Variants in ZDHHC18 observed in about 807,000 individuals in gnomAD.
ZDHHC18 encodes palmitoyltransferase ZDHHC18.
In ZDHHC18, 23 loss-of-function variants were observed where a neutral mutation model predicts 37.5. The ratio of observed to expected loss-of-function variants is 0.61; its 90% CI spans 0.44 to 0.87. The LOEUF (loss-of-function observed/expected upper bound fraction) is 0.87, where lower values mean the gene tolerates loss of function less well. ZDHHC18 is among the 40% of genes least tolerant of loss of function. The pLI, the probability that ZDHHC18 is intolerant of heterozygous loss-of-function variation, is 0.00. For synonymous variants in ZDHHC18, 185 were observed against 218.7 expected (o/e 0.85, Z 1.36); for missense variants, 406 against 525.6 (o/e 0.77, Z 2.22).
rs1442299061 is a variant in ZDHHC18, at chr1:26,848,527, C to G, written c.497-81C>G. On this transcript the variant is annotated intron_variant, in intron 2 of 7. Coordinates refer to ENST00000374142, the MANE Select transcript of ZDHHC18 (RefSeq NM_032283.3). ...TGAGGCTTCTCCTGGACTGGCCAGG[C>G]AGCAGTAGCTTTCCCCTGCTGGGGA... The G allele has an allele frequency of 3.9e-6, 6 of 1,550,376 alleles. No homozygotes were observed. In the East Asian group the frequency reaches 1.4e-4, roughly 35 times the overall value.
At chr1:26,845,638 C>CT (rs905167188) in intron 2 of ZDHHC18, among the ~76,000 whole-genome samples, 5 of 151,578 alleles carry the variant, frequency 3.3e-5, no homozygotes, top group African/African-American at 1.2e-4. Flanking sequence ...CGGCCTCATT[C>CT]TTTTTTTTAA....
At chr1:26,848,798 G>A in intron 3 of ZDHHC18, 41 bp downstream of exon 3, 3 of 1,593,944 alleles carry the variant, frequency 1.9e-6, no homozygotes, top group Non-Finnish European at 2.6e-6. Flanking sequence ...GGATTCCTGA[G>A]AGAGACTGAG....
At chr1:26,831,829 C>A (rs2081589884) in intron 1 of ZDHHC18, among the ~76,000 whole-genome samples, 1 of 152,174 alleles carries the variant, frequency 6.6e-6, no homozygotes, top group South Asian at 2.1e-4. Flanking sequence ...ACTCATTCTT[C>A]AGGTTGGAGC....
At chr1:26,828,535 T>TC (rs1292194893) in intron 1 of ZDHHC18, among the ~76,000 whole-genome samples, 1 of 152,054 alleles carries the variant, frequency 6.6e-6, no homozygotes, top group African/African-American at 2.4e-5. Flanking sequence ...AAAAAACACT[T>TC]CCCAAGGGCA....
chr1:26,826,971 G>C lies in ZDHHC18; in HGVS notation c.167G>C (p.Gly56Ala). Reference sequence around the variant, plus strand: ...TGGAGCAGCAGCGGCAGCGGCAGCGGCAGCGGGAGCGGGAGCCTCGGCCGC... The same window carrying C: ...TGGAGCAGCAGCGGCAGCGGCAGCGCCAGCGGGAGCGGGAGCCTCGGCCGC... ...PRWSSSGSGS[G>A]SGSGSLGRRP... The change falls in exon 1 of 8, where the codon GGC becomes GCC. Residue 56 changes from glycine (G) to alanine (A), a missense_variant. Physicochemically the swap from Gly to Ala is moderately conservative, Grantham distance 60. Coordinates refer to ENST00000374142, the MANE Select transcript of ZDHHC18 (RefSeq NM_032283.3). The surrounding 1 kb of genome is among the most constrained non-coding windows in gnomAD (Gnocchi z 5.2). 8.2e-7 allele frequency: 1 copy of C among 1,219,640 alleles called. No homozygotes were observed. The highest frequency in any genetic ancestry group is 4.1e-5 in the South Asian group (1 of 24,310). 75.6% of individuals were successfully genotyped at this position (1,219,640 alleles called of 1,614,324 possible).
At chr1:26,833,177 TGAGGAG>T (rs1163993613) in intron 2 of ZDHHC18, among the ~76,000 whole-genome samples, 1 of 152,130 alleles carries the variant, frequency 6.6e-6, no homozygotes, top group Non-Finnish European at 1.5e-5. Context: ...GCTTGACAGT[TGAGGAG>T]GAGGAAAGAG....
Position 26,856,021 on chromosome 1 carries a change from C to T in ZDHHC18, c.*2178C>T. ...ACCCCCAAATTCTTCTTCCCTACTG[C>T]CTTTCCACTCCGATCCCCAATGAGT... On this transcript the variant is annotated 3_prime_UTR_variant, in exon 8 of 8. Transcript: ENST00000374142. The surrounding 1 kb of genome is among the most constrained non-coding windows in gnomAD (Gnocchi z 5.2). 8.9e-6 allele frequency: 3 copies of T among 336,480 alleles called. No homozygotes were observed. The Admixed American group carries it at 9.5e-5, about 11-fold the overall frequency. 20.8% of individuals were successfully genotyped at this position (336,480 alleles called of 1,614,324 possible). A position where few individuals can be genotyped will look rare whatever the true frequency, so the allele number is the denominator to read the frequency against.
chr1:26,833,030 G>A (rs984786062), intron 2 of ZDHHC18, among the ~76,000 whole-genome samples: 1 of 152,176 alleles, frequency 6.6e-6, no homozygotes, highest in Non-Finnish European at 1.5e-5. Context: ...TCAGTCTAGA[G>A]CACCTGCTCT....
intron 2 of ZDHHC18, among the ~76,000 whole-genome samples, chr1:26,846,130 G>GTA (rs1275426325): frequency 1.4e-5 from 2 of 146,566 alleles, no homozygotes; most frequent in Admixed American, 6.9e-5. Context: ...ATATGTGTGT[G>GTA]TATATATATG....
intron 2 of ZDHHC18, among the ~76,000 whole-genome samples, chr1:26,838,309 T>C (rs1452318457): frequency 6.6e-6 from 1 of 152,016 alleles, no homozygotes; most frequent in African/African-American, 2.4e-5. Context: ...GCTTTCTTTT[T>C]AAATTATTTT....
chr1:26,850,515 A>ACTGT lies in ZDHHC18; in HGVS notation c.785-41_785-38dup, dbSNP rs756513831. On this transcript the variant is annotated intron_variant, in intron 4 of 7. Transcript: ENST00000374142. The surrounding 1 kb of genome is among the most constrained non-coding windows in gnomAD (Gnocchi z 6.1). Reference sequence around the variant, plus strand: ...CAAGGGTCAGCAAGCTTCAGCAGTCACTGTCCCTCTGAGCTTGTCCTCTCC... The same window carrying ACTGT: ...CAAGGGTCAGCAAGCTTCAGCAGTCACTGTCTGTCCCTCTGAGCTTGTCCTCTCC... The ACTGT allele has an allele frequency of 2.6e-5, 42 of 1,614,068 alleles. No homozygotes were observed. The East Asian group carries it at 9.4e-4, about 36-fold the overall frequency.
chr1:26,832,689 C>A, intron 2 of ZDHHC18, 82 bp downstream of exon 2: 1 of 1,526,094 alleles, frequency 6.6e-7, no homozygotes, highest in Admixed American at 1.9e-5. Context: ...TTTTCTCTTC[C>A]AAAACTATAC....
chr1:26,829,178 C>G lies in ZDHHC18; in HGVS notation c.335+2039C>G, dbSNP rs183669397. On this transcript the variant is annotated intron_variant, in intron 1 of 7. Coordinates refer to ENST00000374142, the MANE Select transcript of ZDHHC18 (RefSeq NM_032283.3). ...CACCTGGGTCTGGACTGGATGCTCCCCATTGCTCTGGGAAAAGGTAAGGTG... is the reference window on the plus strand; with the variant it reads ...CACCTGGGTCTGGACTGGATGCTCCGCATTGCTCTGGGAAAAGGTAAGGTG... 6.2e-3 allele frequency among the ~76,000 whole-genome samples: 949 copies of G among 152,228 alleles called. 10 individuals carry two copies. Among genetic ancestry groups the G allele is most frequent in the South Asian group, 0.024 (115 of 4,828 alleles).
chr1:26,851,149 GCTT>G lies in ZDHHC18; in HGVS notation c.860_862del (p.Phe287del), dbSNP rs1557645919. The G allele has an allele frequency of 1.2e-6, 2 of 1,614,178 alleles. No individual in the cohort carries two copies. The highest frequency in any genetic ancestry group is 1.3e-5 in the African/African-American group (1 of 75,036). ...CTCACCGTGCTGGAGTTGGTGATCTGCTTCTTCTCCATCTGGTCCATTCTGGGC... is the reference window on the plus strand; with the variant it reads ...CTCACCGTGCTGGAGTTGGTGATCTGCTTCTCCATCTGGTCCATTCTGGGC... On this transcript the variant is annotated inframe_deletion, in exon 6 of 8. Coordinates refer to ENST00000374142, the MANE Select transcript of ZDHHC18 (RefSeq NM_032283.3).
At chr1:26,853,397 G>A (rs532829074) in intron 7 of ZDHHC18, among the ~76,000 whole-genome samples, 1 of 152,204 alleles carries the variant, frequency 6.6e-6, no homozygotes, top group African/African-American at 2.4e-5. Flanking sequence ...TAGAGGGGAA[G>A]GGAACATAGG....
In ZDHHC18 at chr1:26,839,500, T is replaced by A. The variant is rs375203849; in HGVS notation, c.496+6893T>A. Among the ~76,000 whole-genome samples the A allele has an allele frequency of 2.0e-5, 3 of 152,340 alleles. No individual in the cohort carries two copies. The East Asian group carries it at 5.8e-4, about 29-fold the overall frequency. Reference sequence around the variant, plus strand: ...CCACCCCCAGGCCTTGTACAGTAACTTGCACATAGTAGGTGCTCATGTGTG... The same window carrying A: ...CCACCCCCAGGCCTTGTACAGTAACATGCACATAGTAGGTGCTCATGTGTG... On this transcript the variant is annotated intron_variant, in intron 2 of 7. Coordinates refer to ENST00000374142, the MANE Select transcript of ZDHHC18 (RefSeq NM_032283.3).
chr1:26,830,277 C>T (rs1046102443), intron 1 of ZDHHC18, among the ~76,000 whole-genome samples: 1 of 152,184 alleles, frequency 6.6e-6, no homozygotes, highest in Non-Finnish European at 1.5e-5. Context: ...AAGTATGAAC[C>T]TCAAAGTCAG....
At chr1:26,851,886 A>C (rs551771812) in intron 6 of ZDHHC18, among the ~76,000 whole-genome samples, 1 of 152,188 alleles carries the variant, frequency 6.6e-6, no homozygotes. Context: ...ATCAACAAGC[A>C]TGTTTGATGT....
chr1:26,837,944 G>A (rs1030890776), intron 2 of ZDHHC18, among the ~76,000 whole-genome samples: 2 of 151,924 alleles, frequency 1.3e-5, no homozygotes, highest in Non-Finnish European at 2.9e-5. Flanking sequence ...GCCGTGGTGA[G>A]CCAGAGTGCT....
Sources: allele counts gnomAD v4.1 joint callset (sites outside exome capture counted in the v4.1 genomes callset), GRCh38; gene constraint gnomAD v4.1.1; non-coding constraint Gnocchi (gnomAD v3.1); transcripts MANE v1.5; gene names NCBI Gene and HGNC (gene_info 2026-07-23, HGNC 2026-07-21).